Variants in COG5 observed in about 807,000 individuals in gnomAD.
The protein encoded by COG5 is conserved oligomeric Golgi complex subunit 5.
A neutral mutation model predicts 110.4 loss-of-function variants in COG5; 86 were observed. The observed-to-expected ratio is 0.78, with a 90% CI of 0.65 to 0.93. COG5 has a LOEUF of 0.93. Among genes scored for constraint, COG5 ranks in the 40% least tolerant of loss-of-function variants. The pLI, the probability that COG5 is intolerant of heterozygous loss-of-function variation, is 0.00. For synonymous variants in COG5, 360 were observed against 334.6 expected, an observed-to-expected ratio of 1.08 and a Z score of -0.83; for missense variants, 1,077 against 987.0, an observed-to-expected ratio of 1.09 and a Z score of -1.22.
At chr7:107,488,536 T>A (rs1287510139) in intron 6 of COG5, among the ~76,000 whole-genome samples, 1 of 152,148 alleles carries the variant, frequency 6.6e-6, no homozygotes, top group African/African-American at 2.4e-5. Context: ...AATTATCAAT[T>A]ATTTGGTTTA....
At chr7:107,527,131 G>A in intron 6 of COG5, 106 bp downstream of exon 6, 1 of 974,696 alleles carries the variant, frequency 1.0e-6, no homozygotes, top group Non-Finnish European at 1.5e-6. Flanking sequence ...TTAAAAATTT[G>A]TTTAATAGTA....
At chr7:107,269,251 G>C (rs1804049280) in intron 14 of COG5, among the ~76,000 whole-genome samples, 1 of 152,060 alleles carries the variant, frequency 6.6e-6, no homozygotes, top group African/African-American at 2.4e-5. Context: ...CGAGGCGGGG[G>C]GATCACGAGG....
chr7:107,518,446 A>G (rs1312247594), intron 6 of COG5, among the ~76,000 whole-genome samples: 1 of 152,218 alleles, frequency 6.6e-6, no homozygotes, highest in Admixed American at 6.5e-5. Flanking sequence ...ATAGGCTCAA[A>G]ATAAGAGGAT....
intron 6 of COG5, among the ~76,000 whole-genome samples, chr7:107,458,512 A>G (rs1440211874): frequency 1.3e-5 from 2 of 152,208 alleles, no homozygotes; most frequent in Admixed American, 6.5e-5. Context: ...GTGTGAGTTA[A>G]GCATGTATAT....
chr7:107,504,866 G>C (rs1375803116), intron 6 of COG5, among the ~76,000 whole-genome samples: 1 of 151,994 alleles, frequency 6.6e-6, no homozygotes, highest in Non-Finnish European at 1.5e-5. Flanking sequence ...ATTTCTAATT[G>C]AGCTTATTTG....
At chr7:107,222,903 G>A (rs181412116) in intron 19 of COG5, among the ~76,000 whole-genome samples, 6 of 152,108 alleles carry the variant, frequency 3.9e-5, no homozygotes, top group Admixed American at 3.9e-4. Flanking sequence ...AAAAAAAACT[G>A]CATTTCTACT....
chr7:107,548,569 G>C lies in COG5; in HGVS notation c.293-237C>G, dbSNP rs143368133. On this transcript the variant is annotated intron_variant, in intron 3 of 21. Coordinates refer to ENST00000297135, the MANE Select transcript of COG5 (RefSeq NM_006348.5). ...GGGAATGGGAACTGACTGCTTAATG[G>C]ATATGGGGTTTCCATCTGGGGTGAT... 4.6e-5 allele frequency among the ~76,000 whole-genome samples: 7 copies of C among 152,264 alleles called. No homozygotes were observed. The East Asian group carries it at 1.3e-3, about 29-fold the overall frequency.
intron 12 of COG5, among the ~76,000 whole-genome samples, chr7:107,296,951 A>G (rs1010205750): frequency 1.3e-5 from 2 of 152,226 alleles, no homozygotes; most frequent in Admixed American, 1.3e-4. Flanking sequence ...GTGAAAGCCA[A>G]TCACTTGATC....
intron 7 of COG5, among the ~76,000 whole-genome samples, chr7:107,402,360 A>G (rs1791500113): frequency 6.6e-6 from 1 of 152,216 alleles, no homozygotes; most frequent in African/African-American, 2.4e-5. Context: ...CTCTTTCCTG[A>G]TGACCTCTAA....
intron 7 of COG5, among the ~76,000 whole-genome samples, chr7:107,401,622 G>T (rs1160671022): frequency 6.6e-6 from 1 of 152,096 alleles, no homozygotes; most frequent in Admixed American, 6.5e-5. Flanking sequence ...GTGTGCCAAG[G>T]AACAAGTTTT....
chr7:107,456,115 A>G (rs1365756194), intron 6 of COG5, among the ~76,000 whole-genome samples: 1 of 152,144 alleles, frequency 6.6e-6, no homozygotes, highest in Non-Finnish European at 1.5e-5. Context: ...AGATATTTTA[A>G]ACATCAAGAA....
chr7:107,224,030 G>C (rs1460499143), intron 19 of COG5, among the ~76,000 whole-genome samples: 1 of 152,208 alleles, frequency 6.6e-6, no homozygotes, highest in Non-Finnish European at 1.5e-5. Flanking sequence ...TTGTAGCAAA[G>C]AGCAACAAAA....
chr7:107,545,795 A>AG (rs1563093535), intron 5 of COG5, among the ~76,000 whole-genome samples: 1 of 150,604 alleles, frequency 6.6e-6, no homozygotes, highest in Non-Finnish European at 1.5e-5. Flanking sequence ...AAAAAAAAAA[A>AG]AAAAGAAAAG....
intron 6 of COG5, among the ~76,000 whole-genome samples, chr7:107,486,880 G>A (rs1797684681): frequency 6.6e-6 from 1 of 152,122 alleles, no homozygotes; most frequent in South Asian, 2.1e-4. Flanking sequence ...ACTCCAGGAG[G>A]CACAGTTCAC....
intron 6 of COG5, among the ~76,000 whole-genome samples, chr7:107,511,201 G>T (rs558237536): frequency 1.3e-5 from 2 of 152,112 alleles, no homozygotes; most frequent in East Asian, 1.9e-4. Flanking sequence ...AATAAAAAAT[G>T]ATAAAGGGGA....
intron 8 of COG5, among the ~76,000 whole-genome samples, chr7:107,371,210 T>C (rs907824375): frequency 5.3e-5 from 8 of 152,316 alleles, no homozygotes; most frequent in Non-Finnish European, 1.0e-4. Context: ...CTTTAAGACC[T>C]AAGATTCTTT....
chr7:107,442,445 G>C (rs1794763081), intron 6 of COG5, among the ~76,000 whole-genome samples: 1 of 151,436 alleles, frequency 6.6e-6, no homozygotes, highest in African/African-American at 2.4e-5. Flanking sequence ...AAAAGAGAAA[G>C]CTTGATATGG....
chr7:107,525,249 TCG>T (rs1800647055), intron 6 of COG5, among the ~76,000 whole-genome samples: 2 of 151,930 alleles, frequency 1.3e-5, no homozygotes, highest in Non-Finnish European at 2.9e-5. Flanking sequence ...TTTTTTTTTT[TCG>T]AAGACATGAC....
intron 6 of COG5, among the ~76,000 whole-genome samples, chr7:107,497,491 T>C (rs781412363): frequency 6.6e-6 from 1 of 152,140 alleles, no homozygotes; most frequent in Admixed American, 6.6e-5. Context: ...GTCATTCCTA[T>C]GTACCAACAA....
Sources: gnomAD v4.1 joint callset for allele counts (sites outside exome capture counted in the v4.1 genomes callset) on GRCh38, gnomAD v4.1.1 for gene constraint, MANE v1.5 for transcripts, NCBI Gene and HGNC (gene_info 2026-07-23, HGNC 2026-07-21) for gene names.